The following KHDC4 variants were observed in gnomAD, a reference collection of about 807,000 sequenced individuals.
The protein encoded by KHDC4 is KH homology domain-containing protein 4.
In KHDC4, 19 loss-of-function variants were observed where a neutral mutation model predicts 74.5. The ratio of observed to expected loss-of-function variants is 0.26; its 90% CI spans 0.18 to 0.37. The LOEUF is 0.37. Among genes scored for constraint, KHDC4 ranks in the 10% least tolerant of loss-of-function variants. The pLI is 1.00. For synonymous variants in KHDC4, 253 were observed against 266.1 expected, an observed-to-expected ratio of 0.95 and a Z score of 0.48; for missense variants, 632 against 754.1, an observed-to-expected ratio of 0.84 and a Z score of 1.90.
intron 8 of KHDC4, 51 bp downstream of exon 8, chr1:155,923,576 T>A: frequency 1.5e-6 from 2 of 1,361,080 alleles, no homozygotes; most frequent in Non-Finnish European, 2.1e-6. Context: ...TAAGACATAC[T>A]CCAAAATGGC....
At chr1:155,924,820 T>C (rs1673948780) in intron 7 of KHDC4, among the ~76,000 whole-genome samples, 1 of 151,160 alleles carries the variant, frequency 6.6e-6, no homozygotes, top group East Asian at 2.0e-4. Context: ...GTGATCCGCC[T>C]GCCTCGGCCT....
At chr1:155,922,718 G>T (rs555425564) in intron 8 of KHDC4, among the ~76,000 whole-genome samples, 1 of 152,106 alleles carries the variant, frequency 6.6e-6, no homozygotes, top group Non-Finnish European at 1.5e-5. Flanking sequence ...ATATTATTAA[G>T]TCCATAACCT....
chr1:155,920,739 G>A (rs975052617), intron 10 of KHDC4, among the ~76,000 whole-genome samples: 3 of 152,036 alleles, frequency 2.0e-5, no homozygotes, highest in Admixed American at 6.6e-5. Flanking sequence ...TCACTATGTT[G>A]CCTAGGCTGG....
chr1:155,925,490 T>A (rs1673969611), intron 7 of KHDC4, 142 bp downstream of exon 7: 1 of 683,154 alleles, frequency 1.5e-6, no homozygotes, highest in African/African-American at 1.8e-5. Flanking sequence ...TAACTAATTA[T>A]AAAGTAATTA....
At chr1:155,919,727 C>T (rs1223737308) in intron 10 of KHDC4, among the ~76,000 whole-genome samples, 8 of 151,926 alleles carry the variant, frequency 5.3e-5, no homozygotes, top group African/African-American at 1.9e-4. Context: ...AGGAGAATCG[C>T]GTGAACCTGG....
At chr1:155,932,130 T>G (rs1489627422) in intron 2 of KHDC4, 1 of 152,204 alleles carries the variant, frequency 6.6e-6, no homozygotes, top group Non-Finnish European at 1.5e-5. Context: ...TTTAATTATT[T>G]GTATTATTTA....
At chr1:155,921,718 T>C in intron 9 of KHDC4, 90 bp from the exon 10 acceptor site, 16 of 1,509,496 alleles carry the variant, frequency 1.1e-5, no homozygotes, top group Non-Finnish European at 1.4e-5. Flanking sequence ...GGAAGAAAAA[T>C]ACTGAGGCAT....
rs965098967 is a variant in KHDC4 at position 155,913,322 on chromosome 1, G to A, written c.*799C>T. On this transcript the variant is annotated 3_prime_UTR_variant, in exon 14 of 14. Coordinates refer to ENST00000368321, the MANE Select transcript of KHDC4 (RefSeq NM_014949.4). Reference sequence around the variant, plus strand: ...TAAGTCCAAAATCCTATAGCCAGCAGTCAGATCTCTCTGTTTTAGCTGCAA... The same window carrying A: ...TAAGTCCAAAATCCTATAGCCAGCAATCAGATCTCTCTGTTTTAGCTGCAA... The A allele has an allele frequency of 6.6e-6, 1 of 152,532 alleles. No homozygotes were observed. The highest frequency in any genetic ancestry group is 1.5e-5 in the Non-Finnish European group (1 of 68,050). 9.4% of individuals were successfully genotyped at this position (152,532 alleles called of 1,614,324 possible).
chr1:155,929,203 ATT>A, intron 4 of KHDC4, 91 bp downstream of exon 4: 2 of 852,788 alleles, frequency 2.3e-6, no homozygotes, highest in Admixed American at 2.0e-5. Flanking sequence ...TGAATCAAAT[ATT>A]GTGTACACGT....
intron 2 of KHDC4, among the ~76,000 whole-genome samples, chr1:155,930,108 T>C (rs1253881470): frequency 6.6e-6 from 1 of 152,156 alleles, no homozygotes. Flanking sequence ...AGACGGGGTT[T>C]CACCGTGTTG....
intron 2 of KHDC4, among the ~76,000 whole-genome samples, 158 bp from the exon 3 acceptor site, chr1:155,929,998 C>T (rs1470011666): frequency 1.3e-5 from 2 of 152,072 alleles, no homozygotes; most frequent in Non-Finnish European, 2.9e-5. Context: ...CTGCAACTTC[C>T]GCCTCCTGGG....
chr1:155,917,213 C>CTCTCTTTT (rs995511179), intron 11 of KHDC4, among the ~76,000 whole-genome samples: 6 of 152,126 alleles, frequency 3.9e-5, no homozygotes, highest in African/African-American at 1.4e-4. Flanking sequence ...GGAGATATCA[C>CTCTCTTTT]TCTCTTTTTT....
chr1:155,918,330 C>G (rs1480002502), intron 10 of KHDC4, among the ~76,000 whole-genome samples: 2 of 152,098 alleles, frequency 1.3e-5, no homozygotes, highest in Non-Finnish European at 2.9e-5. Context: ...CCTCTGCCTA[C>G]CAGGTTCAAG....
intron 6 of KHDC4, chr1:155,926,418 C>T (rs1376188569): frequency 1.3e-5 from 6 of 450,408 alleles, no homozygotes; most frequent in South Asian, 2.0e-5. Flanking sequence ...CAACCTCCAC[C>T]TCCCGGCTTC....
intron 12 of KHDC4, 62 bp downstream of exon 12, chr1:155,916,563 A>T: frequency 1.9e-6 from 2 of 1,069,988 alleles, no homozygotes; most frequent in South Asian, 1.3e-5. Context: ...AATGATCATT[A>T]CTCTCACTAA....
At chr1:155,921,079 T>C (rs1457511820) in intron 10 of KHDC4, among the ~76,000 whole-genome samples, 2 of 152,226 alleles carry the variant, frequency 1.3e-5, no homozygotes, top group Non-Finnish European at 2.9e-5. Context: ...AGAGAATGTA[T>C]GGCCCTTAAA....
intron 4 of KHDC4, 129 bp downstream of exon 4, chr1:155,929,167 T>G: frequency 1.5e-6 from 1 of 648,594 alleles, no homozygotes; most frequent in East Asian, 2.6e-5. Flanking sequence ...TCTGCTATAG[T>G]GTGCACACAC....
intron 8 of KHDC4, among the ~76,000 whole-genome samples, 158 bp downstream of exon 8, chr1:155,923,469 T>C (rs953598489): frequency 6.6e-6 from 1 of 152,228 alleles, no homozygotes; most frequent in Non-Finnish European, 1.5e-5. Flanking sequence ...CTCTGCTTCC[T>C]GGACTGTGAT....
chr1:155,919,620 C>G (rs1673810233), intron 10 of KHDC4, among the ~76,000 whole-genome samples: 1 of 151,958 alleles, frequency 6.6e-6, no homozygotes. Context: ...ACCATCCTGG[C>G]TAACAAGGTG....
Sources: allele counts gnomAD v4.1 joint callset (sites outside exome capture counted in the v4.1 genomes callset), GRCh38; gene constraint gnomAD v4.1.1; transcripts MANE v1.5; gene names NCBI Gene and HGNC (gene_info 2026-07-23, HGNC 2026-07-21).